The following SAMMSON variants were observed in gnomAD, a reference collection of about 807,000 sequenced individuals.
The protein encoded by SAMMSON is survival associated mitochondrial melanoma specific oncogenic non-coding RNA.
At chr3:70,420,553 G>T (rs1487173560) in intron 2 of SAMMSON, among the ~76,000 whole-genome samples, 1 of 152,180 alleles carries the variant, frequency 6.6e-6, no homozygotes, top group African/African-American at 2.4e-5. Flanking sequence ...CAATCTTAAT[G>T]ATTAGAAAAA....
intron 7 of SAMMSON, among the ~76,000 whole-genome samples, chr3:70,296,085 A>G (rs1033113287): frequency 1.3e-5 from 2 of 152,224 alleles, no homozygotes; most frequent in Non-Finnish European, 2.9e-5. Flanking sequence ...AATTCATTCA[A>G]TGCAGCAGCA....
At chr3:70,307,831 G>A (rs1575622015) in intron 7 of SAMMSON, among the ~76,000 whole-genome samples, 1 of 152,142 alleles carries the variant, frequency 6.6e-6, no homozygotes, top group East Asian at 1.9e-4. Flanking sequence ...GCACTCAATC[G>A]GTTTTCTCAC....
intron 7 of SAMMSON, among the ~76,000 whole-genome samples, chr3:70,321,960 G>T (rs960057844): frequency 6.6e-6 from 1 of 151,946 alleles, no homozygotes; most frequent in Non-Finnish European, 1.5e-5. Flanking sequence ...TAGTACATTT[G>T]CAAGCTCAAT....
intron 6 of SAMMSON, among the ~76,000 whole-genome samples, chr3:70,264,364 A>G (rs1701896015): frequency 6.6e-6 from 1 of 152,184 alleles, no homozygotes; most frequent in Non-Finnish European, 1.5e-5. Context: ...TTAGTCTTCT[A>G]AGAGTGGATT....
intron 2 of SAMMSON, among the ~76,000 whole-genome samples, chr3:70,408,204 A>C (rs908226963): frequency 3.3e-5 from 5 of 152,328 alleles, no homozygotes; most frequent in Admixed American, 1.3e-4. Flanking sequence ...CAGCGATGGG[A>C]GGCGCTGCCA....
intron 4 of SAMMSON, among the ~76,000 whole-genome samples, chr3:70,146,462 C>A (rs1266340462): frequency 1.3e-5 from 2 of 152,010 alleles, no homozygotes; most frequent in South Asian, 2.1e-4. Context: ...AATTAATACA[C>A]CATGACCAAG....
chr3:70,076,771 C>T (rs2067249687), intron 4 of SAMMSON, among the ~76,000 whole-genome samples: 1 of 152,128 alleles, frequency 6.6e-6, no homozygotes, highest in African/African-American at 2.4e-5. Flanking sequence ...TTTTTATTAA[C>T]ATTTGGAATG....
At chr3:70,150,303 A>C (rs948369236) in intron 4 of SAMMSON, among the ~76,000 whole-genome samples, 2 of 152,118 alleles carry the variant, frequency 1.3e-5, no homozygotes, top group African/African-American at 2.4e-5. Context: ...GGTTTCAATA[A>C]AAGCTCTAAA....
chr3:70,358,133 A>G (rs1251029993), intron 8 of SAMMSON: 1 of 152,170 alleles, frequency 6.6e-6, no homozygotes, highest in Non-Finnish European at 1.5e-5. Context: ...ATTGACTTAT[A>G]ATACATAAAT....
At position 70,158,472 on chromosome 3, in the gene SAMMSON, A is replaced by G. The variant is rs186541003; in HGVS notation, n.507+86907A>G. Among the ~76,000 whole-genome samples, 380 of 151,846 alleles carry G rather than the reference A, an allele frequency of 2.5e-3. 2 individuals are homozygous for G. The highest frequency in any genetic ancestry group is 4.2e-3 in the Non-Finnish European group (288 of 67,952). Reference sequence around the variant, plus strand: ...ATTCACCAGTTGATGAACATTTAGGATGTTTCCAAGTTTTAGCTATTATGG... The same window carrying G: ...ATTCACCAGTTGATGAACATTTAGGGTGTTTCCAAGTTTTAGCTATTATGG... On this transcript the variant is annotated intron_variant and non_coding_transcript_variant, in intron 4 of 9. Transcript: ENST00000642114.
chr3:70,204,660 T>TC (rs1334374651), intron 4 of SAMMSON: 1 of 151,238 alleles, frequency 6.6e-6, no homozygotes, highest in South Asian at 2.1e-4. Context: ...TTTCTTTCTT[T>TC]TTTTTTTTTT....
At chr3:70,401,353 T>C (rs1188178757) in intron 2 of SAMMSON, among the ~76,000 whole-genome samples, 1 of 152,172 alleles carries the variant, frequency 6.6e-6, no homozygotes, top group African/African-American at 2.4e-5. Context: ...AAATTCTACA[T>C]GATCCAAGAA....
chr3:70,112,140 C>G (rs950255577), intron 4 of SAMMSON, among the ~76,000 whole-genome samples: 2 of 152,056 alleles, frequency 1.3e-5, no homozygotes, highest in Non-Finnish European at 2.9e-5. Flanking sequence ...AGAAATACCA[C>G]AAATAAACTG....
intron 9 of SAMMSON, among the ~76,000 whole-genome samples, chr3:70,385,799 A>T (rs1314218313): frequency 6.6e-6 from 1 of 152,124 alleles, no homozygotes; most frequent in Non-Finnish European, 1.5e-5. Context: ...TAAAGTACAG[A>T]TATGTCATCT....
intron 4 of SAMMSON, among the ~76,000 whole-genome samples, chr3:70,144,471 T>C (rs149082293): frequency 6.6e-6 from 1 of 152,162 alleles, no homozygotes; most frequent in East Asian, 1.9e-4. Context: ...CCCAAGTCCA[T>C]TCATTAGAAT....
intron 3 of SAMMSON, among the ~76,000 whole-genome samples, chr3:70,040,755 G>A (rs2067103274): frequency 6.6e-6 from 1 of 152,212 alleles, no homozygotes; most frequent in Admixed American, 6.5e-5. Context: ...TGCCAATCAT[G>A]GTGGCTAAGG....
chr3:70,268,213 G>A (rs1701939733), intron 6 of SAMMSON, among the ~76,000 whole-genome samples: 1 of 152,148 alleles, frequency 6.6e-6, no homozygotes, highest in Admixed American at 6.5e-5. Context: ...GCTCACGCCT[G>A]TCATCCCAGC....
intron 4 of SAMMSON, among the ~76,000 whole-genome samples, chr3:70,226,823 T>C (rs763804407): frequency 5.3e-5 from 8 of 150,970 alleles, no homozygotes; most frequent in Non-Finnish European, 1.2e-4. Context: ...GTTTGTAGAA[T>C]ATGGAAGTGT....
At chr3:70,262,769 A>G (rs1302016408) in intron 6 of SAMMSON, among the ~76,000 whole-genome samples, 1 of 152,054 alleles carries the variant, frequency 6.6e-6, no homozygotes, top group Non-Finnish European at 1.5e-5. Context: ...GAAGATCTTT[A>G]GTTGTTATTT....
Sources: gnomAD v4.1 joint callset for allele counts (sites outside exome capture counted in the v4.1 genomes callset) on GRCh38, gnomAD v4.1.1 for gene constraint, MANE v1.5 for transcripts, NCBI Gene and HGNC (gene_info 2026-07-23, HGNC 2026-07-21) for gene names.